TUSC3: variants seen among roughly 807,000 people sequenced by gnomAD.
The protein encoded by TUSC3 is dolichyl-diphosphooligosaccharide--protein glycosyltransferase subunit TUSC3.
Under a neutral mutation model 44.8 loss-of-function variants are expected in TUSC3, and 45 were observed. The observed-to-expected ratio is 1.00, with a 90% CI of 0.79 to 1.29. The LOEUF (loss-of-function observed/expected upper bound fraction) is 1.29. Ranked by LOEUF, TUSC3 falls within the 50% of genes most tolerant of loss-of-function variation. The probability of loss-of-function intolerance (pLI) is 0.00; values close to 1 mark genes in which losing one functional copy is unlikely to be tolerated. For synonymous variants in TUSC3, 212 were observed against 152.9 expected, an observed-to-expected ratio of 1.39 and a Z score of -2.85; for missense variants, 519 against 437.9, an observed-to-expected ratio of 1.19 and a Z score of -1.65.
At chr8:15,584,015 G>T (rs910457337) in intron 1 of TUSC3, among the ~76,000 whole-genome samples, 1 of 152,182 alleles carries the variant, frequency 6.6e-6, no homozygotes, top group African/African-American at 2.4e-5. Context: ...GCAGTATTTT[G>T]TGAGAATATG....
intron 5 of TUSC3, among the ~76,000 whole-genome samples, chr8:15,667,266 G>A (rs537172248): frequency 4.1e-4 from 62 of 151,610 alleles, no homozygotes; most frequent in African/African-American, 1.4e-3. Flanking sequence ...GTAAAGATAC[G>A]TCTTACCTTT....
rs369052035 is a variant in TUSC3 at position 15,471,412 on chromosome 8, T to C, written n.92-11974T>C. 1.2e-4 allele frequency among the ~76,000 whole-genome samples: 18 copies of C among 152,304 alleles called. No homozygotes were observed. In the Middle Eastern group the frequency reaches 0.01, roughly 86 times the overall value. ...TAGAGCTGCAGTCTCCAAGGACCTA[T>C]TGAGGATGTTAAGTGAAGATTTATT... On this transcript the variant is annotated intron_variant and non_coding_transcript_variant, in intron 1 of 5. Transcript: ENST00000503191.
At chr8:15,629,875 C>G (rs1023738097) in intron 2 of TUSC3, among the ~76,000 whole-genome samples, 2 of 152,068 alleles carry the variant, frequency 1.3e-5, no homozygotes, top group Admixed American at 1.3e-4. Flanking sequence ...GCTCTTCCTT[C>G]ACACAGTCAG....
At chr8:15,627,646 T>C (rs1805575397) in intron 2 of TUSC3, among the ~76,000 whole-genome samples, 1 of 152,192 alleles carries the variant, frequency 6.6e-6, no homozygotes, top group Non-Finnish European at 1.5e-5. Flanking sequence ...GTTTCTGGTG[T>C]CTCCAAGCTT....
chr8:15,458,440 T>C (rs1290694998), intron 1 of TUSC3, among the ~76,000 whole-genome samples: 1 of 152,144 alleles, frequency 6.6e-6, no homozygotes, highest in African/African-American at 2.4e-5. Flanking sequence ...GGTTTCACCA[T>C]GTTGCGCAGG....
chr8:15,509,511 G>C (rs1410575636), intron 2 of TUSC3, among the ~76,000 whole-genome samples: 2 of 152,094 alleles, frequency 1.3e-5, no homozygotes, highest in African/African-American at 4.8e-5. Context: ...GGGAGGCTGA[G>C]GCAGGAGAGT....
intron 1 of TUSC3, among the ~76,000 whole-genome samples, chr8:15,546,207 A>C (rs1414672132): frequency 7.2e-5 from 11 of 151,832 alleles, no homozygotes; most frequent in Non-Finnish European, 2.9e-5. Context: ...CAGCTTCTCA[A>C]ACTGAGCATG....
At chr8:15,456,943 C>G (rs1306512512) in intron 1 of TUSC3, among the ~76,000 whole-genome samples, 1 of 152,036 alleles carries the variant, frequency 6.6e-6, no homozygotes, top group African/African-American at 2.4e-5. Flanking sequence ...TCAAAGGGCA[C>G]CTTTATGAAA....
chr8:15,510,332 A>C (rs1168790766), intron 2 of TUSC3, among the ~76,000 whole-genome samples: 1 of 152,196 alleles, frequency 6.6e-6, no homozygotes, highest in African/African-American at 2.4e-5. Flanking sequence ...AGATCAATAC[A>C]ATTGATAAAG....
At chr8:15,658,260 T>C (rs964795015) in intron 3 of TUSC3, among the ~76,000 whole-genome samples, 4 of 152,200 alleles carry the variant, frequency 2.6e-5, no homozygotes, top group African/African-American at 9.6e-5. Context: ...ATTTTTGATA[T>C]AGAGCCATTT....
At chr8:15,531,252 C>T (rs1273682007) in intron 2 of TUSC3, among the ~76,000 whole-genome samples, 1 of 152,162 alleles carries the variant, frequency 6.6e-6, no homozygotes, top group Non-Finnish European at 1.5e-5. Flanking sequence ...TTCATTCCTG[C>T]TCTAAAGCTA....
chr8:15,582,942 A>G (rs1316155222), intron 1 of TUSC3, among the ~76,000 whole-genome samples: 3 of 152,126 alleles, frequency 2.0e-5, no homozygotes, highest in African/African-American at 7.2e-5. Flanking sequence ...ATATACCTCA[A>G]ATTGCAATTC....
chr8:15,563,266 C>T (rs545775923), intron 1 of TUSC3, among the ~76,000 whole-genome samples: 5 of 151,782 alleles, frequency 3.3e-5, no homozygotes, highest in Admixed American at 6.6e-5. Context: ...GATGCAGGAC[C>T]ACTAGAAGGT....
intron 1 of TUSC3, among the ~76,000 whole-genome samples, chr8:15,425,493 C>T (rs1489510218): frequency 1.3e-5 from 2 of 152,174 alleles, no homozygotes; most frequent in African/African-American, 2.4e-5. Context: ...TAAGAAGATG[C>T]AGAAGGCAAG....
chr8:15,805,169 G>T, the TUSC3 span, among the ~76,000 whole-genome samples: 2 of 152,032 alleles, frequency 1.3e-5, no homozygotes, highest in Non-Finnish European at 2.9e-5. Context: ...ACTGATTTTC[G>T]TACAAAGATT....
intron 1 of TUSC3, among the ~76,000 whole-genome samples, chr8:15,436,492 G>A (rs188971364): frequency 9.0e-4 from 137 of 152,282 alleles, no homozygotes; most frequent in Admixed American, 2.9e-3. Context: ...ATAACCTTGT[G>A]AGCTAGTTTG....
chr8:15,722,549 T>A (rs185653108), intron 6 of TUSC3, among the ~76,000 whole-genome samples: 2 of 152,208 alleles, frequency 1.3e-5, no homozygotes, highest in Non-Finnish European at 2.9e-5. Flanking sequence ...CTAGAGACTC[T>A]CTGAGAATAC....
At chr8:15,462,698 C>G (rs1800361239) in intron 1 of TUSC3, among the ~76,000 whole-genome samples, 1 of 152,088 alleles carries the variant, frequency 6.6e-6, no homozygotes, top group African/African-American at 2.4e-5. Flanking sequence ...GTCTATTATA[C>G]TCCTATGTGG....
chr8:15,563,868 A>G (rs186020369), intron 1 of TUSC3, among the ~76,000 whole-genome samples: 2 of 152,164 alleles, frequency 1.3e-5, no homozygotes, highest in East Asian at 3.9e-4. Context: ...TAGTCTCAGA[A>G]TACCTATTAA....
Sources: allele counts gnomAD v4.1 joint callset (sites outside exome capture counted in the v4.1 genomes callset), GRCh38; gene constraint gnomAD v4.1.1; transcripts MANE v1.5; gene names NCBI Gene and HGNC (gene_info 2026-07-23, HGNC 2026-07-21).